Variants in CD40 observed in about 807,000 individuals in gnomAD.
The protein encoded by CD40 is tumor necrosis factor receptor superfamily member 5.
Under a neutral mutation model 38.5 loss-of-function variants are expected in CD40, and 19 were observed. That is an observed-to-expected ratio of 0.49 (90% CI 0.34 to 0.72). The LOEUF (loss-of-function observed/expected upper bound fraction) is 0.72. CD40 is among the 30% of genes least tolerant of loss of function. CD40 has a pLI of 0.01. For missense variants in CD40, 256 were observed against 344.1 expected, an observed-to-expected ratio of 0.74 and a Z score of 2.03; for synonymous variants, 130 against 128.7, an observed-to-expected ratio of 1.01 and a Z score of -0.07.
At chr20:46,126,067 G>A (rs1470598302) in intron 5 of CD40, among the ~76,000 whole-genome samples, 2 of 152,304 alleles carry the variant, frequency 1.3e-5, no homozygotes, top group African/African-American at 4.8e-5. Flanking sequence ...TCAACAGGGG[G>A]CAGTTTTGCT....
chr20:46,121,963 C>T, intron 2 of CD40, 65 bp downstream of exon 2: 1 of 1,332,228 alleles, frequency 7.5e-7, no homozygotes, highest in East Asian at 2.3e-5. Flanking sequence ...GACGCAGACC[C>T]CATATGTTAA....
rs1288930881 is a variant in CD40, at chr20:46,122,575, G to C, written c.257-35G>C. On this transcript the variant is annotated intron_variant, in intron 3 of 8. Coordinates refer to ENST00000372285, the MANE Select transcript of CD40 (RefSeq NM_001250.6). The surrounding 1 kb of genome is among the most constrained non-coding windows in gnomAD (Gnocchi z 5.0). ...GTGAGGCTCAGAGCATGGCCCAGCA[G>C]GGGGTTCCCATCCTTCCTGCCCTTC... 9 of 1,613,836 alleles carry C rather than the reference G, an allele frequency of 5.6e-6. No individual in the cohort carries two copies. Among genetic ancestry groups the C allele is most frequent in the Non-Finnish European group, 6.8e-6 (8 of 1,179,934 alleles).
chr20:46,126,874 T>TTA, intron 6 of CD40, 173 bp downstream of exon 6: 1 of 1,022,300 alleles, frequency 9.8e-7, no homozygotes, highest in Non-Finnish European at 1.5e-6. Context: ...TTCCCCTCTC[T>TTA]TAGCCTCAGT....
At position 46,122,276 on chromosome 20, in the gene CD40, A is replaced by G; in HGVS notation, c.174A>G (p.Glu58=). ...ACTGCACAGAGTTCACTGAAACGGAATGCCTTCCTTGCGGTGAAAGCGAAT... is the reference window on the plus strand; with the variant it reads ...ACTGCACAGAGTTCACTGAAACGGAGTGCCTTCCTTGCGGTGAAAGCGAAT... The part of the protein sequence containing the change: ...VSDCTEFTET[E]CLPCGESEFL... The change falls in exon 3 of 9, where the codon GAA becomes GAG. Residue 58 remains glutamate, a synonymous_variant. Coordinates refer to ENST00000372285, the MANE Select transcript of CD40 (RefSeq NM_001250.6). This position sits in a 1 kb window ranked among gnomAD's most constrained non-coding sequence, Gnocchi z 5.0. 1 of 1,614,186 alleles carries G rather than the reference A, an allele frequency of 6.2e-7. No homozygotes were observed. The highest frequency in any genetic ancestry group is 8.5e-7 in the Non-Finnish European group (1 of 1,180,014).
Position 46,129,044 on chromosome 20 carries a change from T to C in CD40, c.*4T>C, listed in dbSNP as rs913525522. On this transcript the variant is annotated 3_prime_UTR_variant, in exon 9 of 9. Transcript: ENST00000372285. Reference sequence around the variant, plus strand: ...CTCAGTGCAGGAGAGACAGTGAGGCTGCACCCACCCAGGAGTGTGGCCACG... The same window carrying C: ...CTCAGTGCAGGAGAGACAGTGAGGCCGCACCCACCCAGGAGTGTGGCCACG... 6.2e-7 allele frequency: 1 copy of C among 1,614,046 alleles called. No homozygotes were observed. The highest frequency in any genetic ancestry group is 1.3e-5 in the African/African-American group (1 of 75,070).
At chr20:46,125,546 C>CA (rs60475326) in intron 5 of CD40, among the ~76,000 whole-genome samples, 1,999 of 69,186 alleles carry the variant, frequency 0.029, 77 homozygotes, top group Admixed American at 0.091. Flanking sequence ...GACTCTGTCT[C>CA]AAAAAAAAAA....
intron 6 of CD40, 165 bp downstream of exon 6, chr20:46,126,866 C>A: frequency 2.6e-6 from 3 of 1,133,050 alleles, no homozygotes; most frequent in Middle Eastern, 2.8e-4. Flanking sequence ...CAAATCACTT[C>A]CCCTCTCTTA....
chr20:46,122,579 G>T lies in CD40; in HGVS notation c.257-31G>T, dbSNP rs777873139. On this transcript the variant is annotated intron_variant, in intron 3 of 8. Transcript: ENST00000372285. This position sits in a 1 kb window ranked among gnomAD's most constrained non-coding sequence, Gnocchi z 5.0. Reference sequence around the variant, plus strand: ...GGCTCAGAGCATGGCCCAGCAGGGGGTTCCCATCCTTCCTGCCCTTCTCTT... The same window carrying T: ...GGCTCAGAGCATGGCCCAGCAGGGGTTTCCCATCCTTCCTGCCCTTCTCTT... 12 of 1,613,892 alleles carry T rather than the reference G, an allele frequency of 7.4e-6. No individual in the cohort carries two copies. The highest frequency in any genetic ancestry group is 1.3e-5 in the African/African-American group (1 of 74,892).
chr20:46,118,701 G>C (rs540478747), intron 1 of CD40, among the ~76,000 whole-genome samples: 5 of 152,194 alleles, frequency 3.3e-5, no homozygotes, highest in African/African-American at 9.6e-5. Context: ...ACTGGTAGGG[G>C]GTTCAGAGGG....
In CD40 at chr20:46,118,553, G is replaced by A. The variant is rs894108942; in HGVS notation, c.51+159G>A. 5.3e-5 allele frequency among the ~76,000 whole-genome samples: 8 copies of A among 152,176 alleles called. No homozygotes were observed. The South Asian group carries it at 1.4e-3, about 28-fold the overall frequency. On this transcript the variant is annotated intron_variant, in intron 1 of 8. Coordinates refer to ENST00000372285, the MANE Select transcript of CD40 (RefSeq NM_001250.6). ...GTGCCCCCGCTCCTGGCTGAATGGG[G>A]TGGGCTGCCTCTCTCTTCTCCCGGG...
At chr20:46,124,777 T>G (rs1167835853) in intron 5 of CD40, among the ~76,000 whole-genome samples, 2 of 128,710 alleles carry the variant, frequency 1.6e-5, no homozygotes, top group South Asian at 2.7e-4. Context: ...TTTTTTTTTT[T>G]TTTTTTTGAG....
At chr20:46,120,664 A>G (rs2085299802) in intron 1 of CD40, among the ~76,000 whole-genome samples, 1 of 152,252 alleles carries the variant, frequency 6.6e-6, no homozygotes, top group South Asian at 2.1e-4. Flanking sequence ...GCTGGGTTTT[A>G]ATAACCTTGT....
intron 1 of CD40, among the ~76,000 whole-genome samples, chr20:46,119,870 G>A (rs2085284097): frequency 6.6e-6 from 1 of 152,192 alleles, no homozygotes; most frequent in African/African-American, 2.4e-5. Context: ...GAGCTGTTTT[G>A]TGGCAGAAGG....
At chr20:46,126,309 A>G (rs1212531151) in intron 5 of CD40, among the ~76,000 whole-genome samples, 2 of 148,428 alleles carry the variant, frequency 1.3e-5, no homozygotes, top group Non-Finnish European at 3.0e-5. Flanking sequence ...TCTCCATTCC[A>G]GCCTTGGTGG....
At chr20:46,123,006 A>G (rs11569322) in intron 4 of CD40, 120 bp from the exon 5 acceptor site, 2 of 932,424 alleles carry the variant, frequency 2.1e-6, no homozygotes, top group African/African-American at 3.2e-5. Flanking sequence ...GCAGTACCAC[A>G]TCGGGGGAAG....
chr20:46,121,969 G>C (rs2085327636), intron 2 of CD40, 71 bp downstream of exon 2: 1 of 1,284,150 alleles, frequency 7.8e-7, no homozygotes. Flanking sequence ...GACCCCATAT[G>C]TTAACTGTAA....
intron 6 of CD40, chr20:46,126,904 G>C: frequency 1.3e-6 from 1 of 765,146 alleles, no homozygotes. Context: ...TGTAAAATGG[G>C]ATGATAACAG....
chr20:46,122,509 TGGAAGAGGGTCTGA>T lies in CD40; in HGVS notation c.257-94_257-81del. On this transcript the variant is annotated intron_variant, in intron 3 of 8. Coordinates refer to ENST00000372285, the MANE Select transcript of CD40 (RefSeq NM_001250.6). This position sits in a 1 kb window ranked among gnomAD's most constrained non-coding sequence, Gnocchi z 5.0. ...AAATGATTTGATTGCCATCTCTACT[TGGAAGAGGGTCTGA>T]GGAAGAAAGAGCAGGCAATGTGGGG... 1 of 1,583,610 alleles carries T rather than the reference TGGAAGAGGGTCTGA, an allele frequency of 6.3e-7. No homozygotes were observed. Among genetic ancestry groups the T allele is most frequent in the Non-Finnish European group, 8.7e-7 (1 of 1,153,542 alleles).
chr20:46,125,758 C>G (rs1346368628), intron 5 of CD40, among the ~76,000 whole-genome samples: 1 of 152,000 alleles, frequency 6.6e-6, no homozygotes, highest in Non-Finnish European at 1.5e-5. Context: ...ATTTCTCCTC[C>G]TCTGAGCTCT....
Sources: allele counts gnomAD v4.1 joint callset (sites outside exome capture counted in the v4.1 genomes callset), GRCh38; gene constraint gnomAD v4.1.1; non-coding constraint Gnocchi (gnomAD v3.1); transcripts MANE v1.5; gene names NCBI Gene and HGNC (gene_info 2026-07-23, HGNC 2026-07-21).